ADGRE3: variants seen among roughly 807,000 people sequenced by gnomAD.
ADGRE3 encodes the protein adhesion G protein-coupled receptor E3.
In ADGRE3, 88 loss-of-function variants were observed where a neutral mutation model predicts 80.1. The ratio of observed to expected loss-of-function variants is 1.10; its 90% CI spans 0.93 to 1.31. The LOEUF (loss-of-function observed/expected upper bound fraction) is 1.31, where lower values mean the gene tolerates loss of function less well. ADGRE3 is among the 40% of genes most tolerant of loss of function. The pLI is 0.00. For synonymous variants in ADGRE3, 281 were observed against 294.8 expected (o/e 0.95, Z 0.48); for missense variants, 715 against 776.5 (o/e 0.92, Z 0.94).
At chr19:14,668,874 A>G in intron 1 of ADGRE3, 22 bp from the exon 2 acceptor site, 1 of 1,611,518 alleles carries the variant, frequency 6.2e-7, no homozygotes, top group Non-Finnish European at 8.5e-7. Flanking sequence ...GGGAAACAGA[A>G]GGGAGAGACA....
chr19:14,620,537 T>TATATATAA (rs1415988959), intron 15 of ADGRE3, among the ~76,000 whole-genome samples: 1 of 18,450 alleles, frequency 5.4e-5, no homozygotes. Flanking sequence ...TATATATATT[T>TATATATAA]TATATATATA....
the ADGRE3 span, chr19:14,600,194 C>A: frequency 6.2e-7 from 1 of 1,613,260 alleles, no homozygotes; most frequent in African/African-American, 1.3e-5. Context: ...TGAGTTCTTC[C>A]CACTGAACCT....
At chr19:14,615,199 C>CTTTTTTTTTTTT (rs1227946914), downstream of ADGRE3, among the ~76,000 whole-genome samples, 1 of 91,024 alleles carries the variant, frequency 1.1e-5, no homozygotes, top group Admixed American at 1.3e-4. Context: ...CTACAGCTGC[C>CTTTTTTTTTTTT]TTCTTTTTTT....
chr19:14,665,982 T>TTTTCTTTA (rs1238167115), intron 2 of ADGRE3, among the ~76,000 whole-genome samples: 1 of 32,400 alleles, frequency 3.1e-5, no homozygotes, highest in Non-Finnish European at 7.0e-5. Context: ...ATATATAGTG[T>TTTTCTTTA]TTTCTTTATC....
chr19:14,619,555 G>A (rs1970475341), intron 15 of ADGRE3, 84 bp from the exon 16 acceptor site: 1 of 1,108,774 alleles, frequency 9.0e-7, no homozygotes, highest in Non-Finnish European at 1.4e-6. Context: ...AAAACAGCAG[G>A]AGTGATTTAA....
intron 11 of ADGRE3, among the ~76,000 whole-genome samples, chr19:14,636,081 C>CTTTCTTTCTTTCTTTCTTTCTCTTT (rs1555755785): frequency 4.5e-4 from 11 of 24,604 alleles, no homozygotes; most frequent in African/African-American, 1.5e-3. Flanking sequence ...CTTTCCTTTC[C>CTTTCTTTCTTTCTTTCTTTCTCTTT]CTTTCTTTCT....
chr19:14,617,341 C>CCTTT (rs1555752261), downstream of ADGRE3, among the ~76,000 whole-genome samples: 1,053 of 57,248 alleles, frequency 0.018, 22 homozygotes, highest in Middle Eastern at 0.068. Context: ...TCCCTCCCTC[C>CCTTT]CTTTCTTTCT....
chr19:14,634,625 A>G (rs1970983449), intron 11 of ADGRE3, among the ~76,000 whole-genome samples: 1 of 152,168 alleles, frequency 6.6e-6, no homozygotes, highest in Admixed American at 6.6e-5. Context: ...TCACACCAGC[A>G]CTGTGAGGTT....
downstream of ADGRE3, among the ~76,000 whole-genome samples, chr19:14,617,360 T>TTCTC (rs1568469519): frequency 1.7e-5 from 2 of 115,870 alleles, no homozygotes; most frequent in Admixed American, 9.8e-5. Context: ...CTTTCTTTCT[T>TTCTC]TCTTTCTTTC....
intron 6 of ADGRE3, among the ~76,000 whole-genome samples, chr19:14,653,708 G>C (rs906386525): frequency 6.6e-6 from 1 of 151,946 alleles, no homozygotes; most frequent in Non-Finnish European, 1.5e-5. Context: ...AAGTAGCTGG[G>C]ACCTCATTTG....
intron 15 of ADGRE3, among the ~76,000 whole-genome samples, chr19:14,623,578 A>G (rs1355400268): frequency 6.6e-6 from 1 of 152,144 alleles, no homozygotes; most frequent in Non-Finnish European, 1.5e-5. Context: ...CTCCCCCAGA[A>G]AGGTCCCATG....
At chr19:14,630,749 G>A (rs938525357) in intron 13 of ADGRE3, among the ~76,000 whole-genome samples, 2 of 152,030 alleles carry the variant, frequency 1.3e-5, no homozygotes, top group African/African-American at 4.8e-5. Flanking sequence ...CCTATTTCGT[G>A]GGGTTGCTAT....
At chr19:14,640,899 C>T (rs1230274255) in intron 10 of ADGRE3, among the ~76,000 whole-genome samples, 3 of 152,144 alleles carry the variant, frequency 2.0e-5, no homozygotes, top group African/African-American at 7.2e-5. Context: ...TCGCCTCCCG[C>T]CATGATTCTG....
chr19:14,633,526 G>A (rs565987157), intron 11 of ADGRE3, among the ~76,000 whole-genome samples: 13 of 151,938 alleles, frequency 8.6e-5, no homozygotes, highest in Admixed American at 2.6e-4. Flanking sequence ...CTAACGTGGT[G>A]AAACCCCATC....
intron 1 of ADGRE3, among the ~76,000 whole-genome samples, chr19:14,671,293 G>A (rs1271986201): frequency 6.6e-6 from 1 of 152,170 alleles, no homozygotes; most frequent in East Asian, 1.9e-4. Flanking sequence ...AAGAATGTTA[G>A]TAGGGCTGGT....
the ADGRE3 span, among the ~76,000 whole-genome samples, chr19:14,603,021 C>T: frequency 6.6e-6 from 1 of 152,226 alleles, no homozygotes; most frequent in African/African-American, 2.4e-5. Context: ...AGGCATAAGC[C>T]ACCGTGGCTG....
chr19:14,650,203 C>T (rs1168093650), intron 7 of ADGRE3, among the ~76,000 whole-genome samples: 2 of 139,230 alleles, frequency 1.4e-5, no homozygotes, highest in Admixed American at 7.2e-5. Flanking sequence ...TTGCATCTCT[C>T]TCCTCTCCAT....
At chr19:14,668,697 A>G (rs1454800423) in intron 2 of ADGRE3, 105 bp downstream of exon 2, 5 of 806,128 alleles carry the variant, frequency 6.2e-6, no homozygotes, top group Non-Finnish European at 2.1e-6. Context: ...CTTCCCAAAT[A>G]TTGCTCTCAG....
In ADGRE3 at chr19:14,673,894, C is replaced by T. The variant is rs544595366; in HGVS notation, c.25+852G>A. ...TCCACTGTCCTTCTACTCCCTCAGC[C>T]TTCCCAGTCTTCATCGTCTATCATT... On this transcript the variant is annotated intron_variant, in intron 1 of 15. Coordinates refer to ENST00000253673, the MANE Select transcript of ADGRE3 (RefSeq NM_032571.5). Among the ~76,000 whole-genome samples the T allele has an allele frequency of 7.2e-5, 11 of 152,276 alleles. No homozygotes were observed. The South Asian group carries it at 2.3e-3, about 32-fold the overall frequency.
Sources: gnomAD v4.1 joint callset for allele counts (sites outside exome capture counted in the v4.1 genomes callset) on GRCh38, gnomAD v4.1.1 for gene constraint, MANE v1.5 for transcripts, NCBI Gene and HGNC (gene_info 2026-07-23, HGNC 2026-07-21) for gene names.